Variants in DNAH11 observed in about 807,000 individuals in gnomAD.
DNAH11 encodes dynein axonemal heavy chain 11, also known as axonemal beta dynein heavy chain 11.
In DNAH11, 442 loss-of-function variants were observed where a neutral mutation model predicts 526.0. The ratio of observed to expected loss-of-function variants is 0.84; its 90% CI spans 0.78 to 0.91. The LOEUF (loss-of-function observed/expected upper bound fraction) is 0.91. DNAH11 is among the 40% of genes least tolerant of loss of function. DNAH11 has a pLI of 0.00. For missense variants in DNAH11, 6,989 were observed against 5,448.7 expected (o/e 1.28, Z -8.90); for synonymous variants, 2,461 against 1,935.9 (o/e 1.27, Z -7.12).
At chr7:21,666,411 A>G (rs922052161) in intron 30 of DNAH11, among the ~76,000 whole-genome samples, 2 of 152,112 alleles carry the variant, frequency 1.3e-5, no homozygotes, top group South Asian at 2.1e-4. Flanking sequence ...AAAATCATCA[A>G]AAGAGAGATA....
At chr7:21,833,536 T>C (rs556238027) in intron 65 of DNAH11, among the ~76,000 whole-genome samples, 1 of 151,808 alleles carries the variant, frequency 6.6e-6, no homozygotes, top group South Asian at 2.1e-4. Flanking sequence ...CTACTAAAAA[T>C]AGATAAAAAT....
intron 10 of DNAH11, 92 bp downstream of exon 10, chr7:21,588,293 T>G: frequency 1.4e-6 from 2 of 1,444,536 alleles, no homozygotes; most frequent in Non-Finnish European, 1.9e-6. Flanking sequence ...ATCTAAAGAT[T>G]AGATATAGGC....
At chr7:21,763,959 T>C (rs1327415213) in intron 54 of DNAH11, among the ~76,000 whole-genome samples, 4 of 151,972 alleles carry the variant, frequency 2.6e-5, no homozygotes, top group Non-Finnish European at 5.9e-5. Context: ...ACTATGTGAT[T>C]CTGCTTATGC....
intron 35 of DNAH11, among the ~76,000 whole-genome samples, chr7:21,691,536 A>C (rs910647884): frequency 2.0e-5 from 3 of 152,198 alleles, no homozygotes; most frequent in Non-Finnish European, 4.4e-5. Context: ...AGAATCTTTC[A>C]TAAATTATGA....
At chr7:21,704,179 A>G (rs892891988) in intron 37 of DNAH11, among the ~76,000 whole-genome samples, 5 of 152,340 alleles carry the variant, frequency 3.3e-5, no homozygotes, top group African/African-American at 9.6e-5. Context: ...AAAACAGATC[A>G]TTGGCAGGGA....
intron 65 of DNAH11, among the ~76,000 whole-genome samples, chr7:21,824,372 G>A (rs1790184930): frequency 6.6e-6 from 1 of 152,014 alleles, no homozygotes; most frequent in Non-Finnish European, 1.5e-5. Context: ...TTGGAATGAT[G>A]TATCAGTTCC....
intron 30 of DNAH11, among the ~76,000 whole-genome samples, chr7:21,678,978 C>G (rs1044898099): frequency 6.6e-6 from 1 of 152,046 alleles, no homozygotes; most frequent in Admixed American, 6.5e-5. Flanking sequence ...AGAAAAAACC[C>G]AAGTATTCAT....
chr7:21,597,352 T>G (rs1784898046), intron 14 of DNAH11, among the ~76,000 whole-genome samples: 1 of 152,290 alleles, frequency 6.6e-6, no homozygotes, highest in South Asian at 2.1e-4. Flanking sequence ...AGCTATTAAC[T>G]TCCTACTAGT....
chr7:21,690,175 A>G (rs1325348408), intron 34 of DNAH11, among the ~76,000 whole-genome samples: 1 of 152,174 alleles, frequency 6.6e-6, no homozygotes, highest in South Asian at 2.1e-4. Context: ...TATTTTTACT[A>G]GATGAGGGAA....
At chr7:21,659,702 C>A (rs1048407756) in intron 30 of DNAH11, among the ~76,000 whole-genome samples, 1 of 152,046 alleles carries the variant, frequency 6.6e-6, no homozygotes, top group Non-Finnish European at 1.5e-5. Flanking sequence ...CAATGTTGCA[C>A]AGTTTATAAG....
At chr7:21,785,544 G>A (rs1418262206) in intron 58 of DNAH11, among the ~76,000 whole-genome samples, 6 of 152,168 alleles carry the variant, frequency 3.9e-5, no homozygotes, top group Non-Finnish European at 8.8e-5. Flanking sequence ...TATGTGCACA[G>A]AAAAAGATTG....
intron 65 of DNAH11, among the ~76,000 whole-genome samples, chr7:21,822,957 CTTTTTTTTT>C (rs67284255): frequency 9.9e-5 from 6 of 60,552 alleles, no homozygotes; most frequent in Admixed American, 2.2e-4. Flanking sequence ...AGATTATTTG[CTTTTTTTTT>C]TTTTTTTTTT....
chr7:21,823,179 A>G (rs747832606), intron 65 of DNAH11, among the ~76,000 whole-genome samples: 1 of 151,868 alleles, frequency 6.6e-6, no homozygotes, highest in Non-Finnish European at 1.5e-5. Context: ...TTGAGGTCTT[A>G]TCCCCAAAAT....
chr7:21,862,395 G>A (rs1780463381), intron 69 of DNAH11, among the ~76,000 whole-genome samples: 1 of 152,160 alleles, frequency 6.6e-6, no homozygotes, highest in Non-Finnish European at 1.5e-5. Flanking sequence ...GATCCGAGTG[G>A]AGCTGGGCTC....
At chr7:21,851,951 C>T (rs1213813932) in intron 66 of DNAH11, among the ~76,000 whole-genome samples, 1 of 151,984 alleles carries the variant, frequency 6.6e-6, no homozygotes, top group African/African-American at 2.4e-5. Flanking sequence ...TATTGTTAAG[C>T]GTTTATACTC....
At chr7:21,872,308 G>A (rs1371637324) in intron 73 of DNAH11, among the ~76,000 whole-genome samples, 1 of 151,740 alleles carries the variant, frequency 6.6e-6, no homozygotes, top group Non-Finnish European at 1.5e-5. Context: ...ATTTGCCAAG[G>A]GAATAAAAGC....
At chr7:21,801,099 C>T in intron 61 of DNAH11, 38 bp from the exon 62 acceptor site, 1 of 1,571,214 alleles carries the variant, frequency 6.4e-7, no homozygotes, top group Non-Finnish European at 8.6e-7. Flanking sequence ...TCTGTTTTAA[C>T]TAAAAATGAC....
intron 61 of DNAH11, among the ~76,000 whole-genome samples, chr7:21,797,218 CT>C (rs796088129): frequency 0.011 from 1,636 of 146,806 alleles, 8 homozygotes; most frequent in Non-Finnish European, 0.014. Context: ...TTGCTTTGAA[CT>C]TTTTTTTTTT....
At chr7:21,825,553 CA>C (rs1790248371) in intron 65 of DNAH11, among the ~76,000 whole-genome samples, 1 of 151,454 alleles carries the variant, frequency 6.6e-6, no homozygotes, top group Non-Finnish European at 1.5e-5. Context: ...TTTTATAATC[CA>C]AAAGATTTCC....
Sources: allele counts gnomAD v4.1 joint callset (sites outside exome capture counted in the v4.1 genomes callset), GRCh38; gene constraint gnomAD v4.1.1; transcripts MANE v1.5; gene names NCBI Gene and HGNC (gene_info 2026-07-23, HGNC 2026-07-21).